The following SP100 variants were observed in gnomAD, a reference collection of about 807,000 sequenced individuals.
SP100 encodes the protein nuclear autoantigen Sp-100.
Under a neutral mutation model 130.0 loss-of-function variants are expected in SP100, and 84 were observed. That is an observed-to-expected ratio of 0.65 (90% CI 0.54 to 0.77). SP100 has a LOEUF of 0.77. Among genes scored for constraint, SP100 ranks in the 30% least tolerant of loss-of-function variants. The pLI, the probability that SP100 is intolerant of heterozygous loss-of-function variation, is 0.00. For synonymous variants in SP100, 331 were observed against 351.7 expected (o/e 0.94, Z 0.66); for missense variants, 978 against 1,052.2 (o/e 0.93, Z 0.97).
At chr2:230,529,053 G>A (rs1316935580) in intron 24 of SP100, among the ~76,000 whole-genome samples, 1 of 152,178 alleles carries the variant, frequency 6.6e-6, no homozygotes, top group African/African-American at 2.4e-5. Flanking sequence ...TAGAAAAAGA[G>A]GGAATCCTCC....
At chr2:230,516,829 T>G (rs1428104266) in intron 24 of SP100, among the ~76,000 whole-genome samples, 1 of 152,200 alleles carries the variant, frequency 6.6e-6, no homozygotes, top group Non-Finnish European at 1.5e-5. Context: ...AATTTAGATA[T>G]TTTGATTACC....
intron 18 of SP100, among the ~76,000 whole-genome samples, chr2:230,497,503 A>G (rs867284988): frequency 5.8e-5 from 1 of 17,188 alleles, no homozygotes; most frequent in African/African-American, 2.3e-4. Flanking sequence ...AGAGGAGAGG[A>G]GAGGAGAGGA....
chr2:230,440,490 A>G, intron 2 of SP100: 1 of 1,251,964 alleles, frequency 8.0e-7, no homozygotes, highest in Non-Finnish European at 1.0e-6. Context: ...TTGGAGAGGA[A>G]TAAATTTAAT....
rs753657338 is a variant in SP100, at chr2:230,504,324, G to A, written c.1870+34G>A. The A allele has an allele frequency of 3.2e-6, 4 of 1,237,996 alleles. No individual in the cohort carries two copies. The South Asian group carries it at 5.0e-5, about 15-fold the overall frequency. The allele number at this position is 1,237,996 out of a possible 1,614,324, so 76.7% of individuals were successfully genotyped here. On this transcript the variant is annotated intron_variant, in intron 21 of 28. Transcript: ENST00000340126. ...ACTGGTCCATCTACGATTTTCAGCT[G>A]GAAAATATCCACACAGATAGCATAC...
intron 2 of SP100, among the ~76,000 whole-genome samples, chr2:230,427,382 G>C (rs925909552): frequency 2.6e-5 from 4 of 151,990 alleles, no homozygotes; most frequent in African/African-American, 4.8e-5. Flanking sequence ...GGCTGGTCTC[G>C]AGCTCCCGAC....
chr2:230,452,474 C>A (rs1285968904), intron 8 of SP100, among the ~76,000 whole-genome samples: 1 of 152,196 alleles, frequency 6.6e-6, no homozygotes, highest in Non-Finnish European at 1.5e-5. Flanking sequence ...CTGCACCTGG[C>A]CGCCATTGGA....
intron 2 of SP100, among the ~76,000 whole-genome samples, chr2:230,437,537 G>GA (rs2063330115): frequency 6.6e-6 from 1 of 151,826 alleles, no homozygotes; most frequent in Admixed American, 6.6e-5. Context: ...TGTGTTCTCT[G>GA]TTTTTTCTTT....
At chr2:230,521,056 A>G (rs1691148572) in intron 24 of SP100, among the ~76,000 whole-genome samples, 2 of 152,196 alleles carry the variant, frequency 1.3e-5, no homozygotes, top group African/African-American at 4.8e-5. Flanking sequence ...TTTCACCATG[A>G]ATCACAAGAC....
chr2:230,486,006 G>A (rs73095082), intron 17 of SP100, among the ~76,000 whole-genome samples: 1,562 of 152,246 alleles, frequency 0.01, 27 homozygotes, highest in African/African-American at 0.036. Flanking sequence ...ACCTAGCTGA[G>A]ACTATCTGTA....
intron 4 of SP100, among the ~76,000 whole-genome samples, chr2:230,446,468 C>T (rs2063715657): frequency 6.6e-6 from 1 of 152,202 alleles, no homozygotes; most frequent in Non-Finnish European, 1.5e-5. Flanking sequence ...AAAGTGGAAT[C>T]TCTCTAGGAC....
intron 24 of SP100, among the ~76,000 whole-genome samples, chr2:230,511,634 A>G (rs907022121): frequency 3.4e-5 from 5 of 146,448 alleles, no homozygotes; most frequent in African/African-American, 1.3e-4. Flanking sequence ...CGAGGTATGG[A>G]CTCTGTCATT....
intron 28 of SP100, 48 bp downstream of exon 28, chr2:230,542,083 A>T: frequency 1.3e-6 from 2 of 1,585,630 alleles, no homozygotes; most frequent in Non-Finnish European, 1.7e-6. Context: ...ACATCACTTT[A>T]AAGTCACTTT....
Position 230,539,302 on chromosome 2 carries a change from AT to A in SP100, c.2131del (p.Trp711GlyfsTer37). ...NSNICEVCNK[W>X]GRLFCCDTCP... ...CAAATATATGTGAGGTGTGCAACAA[AT>A]GGGGACGGCTGTTCTGCTGCGACAC... On this transcript the variant is annotated frameshift_variant, in exon 25 of 29. Coordinates refer to ENST00000340126, the MANE Select transcript of SP100 (RefSeq NM_001080391.2). LOFTEE classifies it high-confidence loss of function. 2 of 1,613,944 alleles carry A rather than the reference AT, an allele frequency of 1.2e-6. No individual in the cohort carries two copies. Among genetic ancestry groups the A allele is most frequent in the Non-Finnish European group, 1.7e-6 (2 of 1,179,846 alleles).
chr2:230,464,220 TG>T, intron 11 of SP100, 70 bp downstream of exon 11: 1 of 971,008 alleles, frequency 1.0e-6, no homozygotes, highest in Non-Finnish European at 1.6e-6. Flanking sequence ...TCTGTTTTCT[TG>T]ATTAATTTCA....
At chr2:230,488,546 TG>T (rs1277042759) in intron 17 of SP100, among the ~76,000 whole-genome samples, 2 of 152,158 alleles carry the variant, frequency 1.3e-5, no homozygotes, top group Non-Finnish European at 2.9e-5. Flanking sequence ...CCCAAGTAGC[TG>T]GGACTACAGG....
rs60336480 is a variant in SP100, at chr2:230,508,069, T to C, written c.2052+38T>C. The stretch of plus-strand genomic sequence containing the variant: ...TGATCTTCTGCCAATGTCTCGTCTA[T>C]TATGTTGTTGATTTTCTATCTCTGT... On this transcript the variant is annotated intron_variant, in intron 23 of 28. Coordinates refer to ENST00000340126, the MANE Select transcript of SP100 (RefSeq NM_001080391.2). The C allele has an allele frequency of 6.5e-3, 10,492 of 1,610,586 alleles. 591 individuals are homozygous for C. The African/African-American group carries it at 0.12, about 19-fold the overall frequency.
At chr2:230,444,733 G>T (rs1030245696) in intron 4 of SP100, among the ~76,000 whole-genome samples, 5 of 152,288 alleles carry the variant, frequency 3.3e-5, no homozygotes, top group African/African-American at 9.6e-5. Flanking sequence ...GTGGGTGCAG[G>T]ATCCACCTTG....
rs55963279 is a variant in SP100, at chr2:230,421,504, C to CATATATATATATATATATATATATATAT, written c.107+3857_107+3858insATATATATATATATATATATATATATAT. Among the ~76,000 whole-genome samples, 19 of 146,268 alleles carry CATATATATATATATATATATATATATAT rather than the reference C, an allele frequency of 1.3e-4. 1 individual carries two copies. The highest frequency in any genetic ancestry group is 4.5e-4 in the African/African-American group (18 of 39,640). The stretch of plus-strand genomic sequence containing the variant: ...TGACTAAGAGTTTATAGAAGATATA[C>CATATATATATATATATATATATATATAT]ATATATATATATATATATCCTACCT... On this transcript the variant is annotated intron_variant, in intron 2 of 28. Coordinates refer to ENST00000340126, the MANE Select transcript of SP100 (RefSeq NM_001080391.2).
chr2:230,428,568 G>T (rs184709178), intron 2 of SP100, among the ~76,000 whole-genome samples: 14 of 152,002 alleles, frequency 9.2e-5, no homozygotes, highest in African/African-American at 2.9e-4. Context: ...TCAGCCTCCC[G>T]AGTAGCTGGG....
Sources: allele counts gnomAD v4.1 joint callset (sites outside exome capture counted in the v4.1 genomes callset), GRCh38; gene constraint gnomAD v4.1.1; transcripts MANE v1.5; gene names NCBI Gene and HGNC (gene_info 2026-07-23, HGNC 2026-07-21).